The following ST8SIA5 variants were observed in gnomAD, a reference collection of about 807,000 sequenced individuals.
ST8SIA5 encodes ST8 alpha-N-acetyl-neuraminide alpha-2,8-sialyltransferase 5.
A neutral mutation model predicts 40.2 loss-of-function variants in ST8SIA5; 24 were observed. The observed-to-expected ratio is 0.60, with a 90% CI of 0.43 to 0.84. The LOEUF is 0.84. Ranked by LOEUF, ST8SIA5 falls within the 40% of genes least tolerant of loss-of-function variation. ST8SIA5 has a pLI of 0.00. For synonymous variants in ST8SIA5, 198 were observed against 201.8 expected (o/e 0.98, Z 0.16); for missense variants, 465 against 498.5 (o/e 0.93, Z 0.64).
chr18:46,669,263 C>T lies in ST8SIA5; in HGVS notation c.*10779G>A, dbSNP rs568833408. 1 of 152,430 alleles carries T rather than the reference C, an allele frequency of 6.6e-6. No individual in the cohort carries two copies. The highest frequency in any genetic ancestry group is 2.1e-4 in the South Asian group (1 of 4,830). 9.4% of individuals were successfully genotyped at this position (152,430 alleles called of 1,614,324 possible). On this transcript the variant is annotated 3_prime_UTR_variant, in exon 7 of 7. Coordinates refer to ENST00000315087, the MANE Select transcript of ST8SIA5 (RefSeq NM_013305.6). Reference sequence around the variant, plus strand: ...CTAGAGGGCTAGAGCGGGACACTGGCCACCGTCCCCTGCCCTCCAGTTCCT... The same window carrying T: ...CTAGAGGGCTAGAGCGGGACACTGGTCACCGTCCCCTGCCCTCCAGTTCCT...
At chr18:46,707,269 G>A (rs572159268) in intron 1 of ST8SIA5, among the ~76,000 whole-genome samples, 1 of 152,308 alleles carries the variant, frequency 6.6e-6, no homozygotes, top group African/African-American at 2.4e-5. Flanking sequence ...GAAATCATTA[G>A]GTCGAGACTT....
At chr18:46,700,099 A>G (rs561037519) in intron 2 of ST8SIA5, among the ~76,000 whole-genome samples, 1 of 152,376 alleles carries the variant, frequency 6.6e-6, no homozygotes, top group South Asian at 2.1e-4. Context: ...GCTCTAGATG[A>G]CAGGTGTAAA....
rs536667686 is a variant in ST8SIA5 at position 46,688,237 on chromosome 18, ACT to A, written c.456+536_456+537del. On this transcript the variant is annotated intron_variant, in intron 4 of 6. Transcript: ENST00000315087. ...AAAATAAATATCTATCTTGATTAAG[ACT>A]CTGATATTTTAGAAGTTCTGTTATA... Among the ~76,000 whole-genome samples, 131 of 152,258 alleles carry A rather than the reference ACT, an allele frequency of 8.6e-4. 1 individual carries two copies. Among genetic ancestry groups the A allele is most frequent in the African/African-American group, 3.1e-3 (129 of 41,548 alleles).
At chr18:46,756,300 G>A (rs2040245021) in intron 1 of ST8SIA5, 78 bp downstream of exon 1, 1 of 1,577,036 alleles carries the variant, frequency 6.3e-7, no homozygotes, top group Non-Finnish European at 8.6e-7. Flanking sequence ...CGCTGCGACC[G>A]AAGCTGCCGC....
intron 1 of ST8SIA5, among the ~76,000 whole-genome samples, chr18:46,724,844 C>A (rs375261996): frequency 6.6e-6 from 1 of 151,970 alleles, no homozygotes; most frequent in East Asian, 1.9e-4. Flanking sequence ...CATGGTGGTG[C>A]GTGCCTGTAA....
Position 46,672,362 on chromosome 18 carries a change from A to G in ST8SIA5, c.*7680T>C, listed in dbSNP as rs1403774031. ...CTGAATCAGATCCTCCGGGAAGTAA[A>G]GGACCTGGCTTGGGGATTATTTTAT... On this transcript the variant is annotated 3_prime_UTR_variant, in exon 7 of 7. Transcript: ENST00000315087. The G allele has an allele frequency of 6.6e-6, 1 of 152,214 alleles. No individual in the cohort carries two copies. Among genetic ancestry groups the G allele is most frequent in the Non-Finnish European group, 1.5e-5 (1 of 68,036 alleles). 9.4% of individuals were successfully genotyped at this position (152,214 alleles called of 1,614,324 possible). A position where few individuals can be genotyped will look rare whatever the true frequency, so the allele number is the denominator to read the frequency against.
At position 46,754,085 on chromosome 18, in the gene ST8SIA5, T is replaced by C. The variant is rs950629008; in HGVS notation, c.131+2293A>G. ...ACATCAGGCCAGTTCATTACAATCATGATATATGGAGGAAACAAGATAGGT... is the reference window on the plus strand; with the variant it reads ...ACATCAGGCCAGTTCATTACAATCACGATATATGGAGGAAACAAGATAGGT... On this transcript the variant is annotated intron_variant, in intron 1 of 6. Coordinates refer to ENST00000315087, the MANE Select transcript of ST8SIA5 (RefSeq NM_013305.6). 5.3e-5 allele frequency among the ~76,000 whole-genome samples: 8 copies of C among 152,046 alleles called. No homozygotes were observed. In the East Asian group the frequency reaches 7.7e-4, roughly 15 times the overall value.
rs1568246280 is a variant in ST8SIA5, at chr18:46,679,944, G to C, written c.*98C>G. ...CAATGGAGGGAGAGACAGCCTGAAC[G>C]CCAGGACCCCACGCTGCCCGGTTCG... On this transcript the variant is annotated 3_prime_UTR_variant, in exon 7 of 7. Coordinates refer to ENST00000315087, the MANE Select transcript of ST8SIA5 (RefSeq NM_013305.6). The C allele has an allele frequency of 3.4e-6, 4 of 1,173,446 alleles. No individual in the cohort carries two copies. In the Admixed American group the frequency reaches 7.7e-5, roughly 22 times the overall value. 72.7% of individuals were successfully genotyped at this position (1,173,446 alleles called of 1,614,324 possible). A position where few individuals can be genotyped will look rare whatever the true frequency, so the allele number is the denominator to read the frequency against.
At chr18:46,689,760 T>A (rs960727414) in intron 3 of ST8SIA5, among the ~76,000 whole-genome samples, 12 of 149,406 alleles carry the variant, frequency 8.0e-5, no homozygotes, top group African/African-American at 3.0e-4. Flanking sequence ...TTTTTTTTTT[T>A]AGTAGAGTCA....
chr18:46,721,409 A>C, intron 1 of ST8SIA5: 1 of 1,536,078 alleles, frequency 6.5e-7, no homozygotes, highest in Non-Finnish European at 8.7e-7. Flanking sequence ...CATCCGTGAC[A>C]TTAAAGAGCC....
intron 3 of ST8SIA5, among the ~76,000 whole-genome samples, chr18:46,690,612 A>ATTT (rs2039495015): frequency 1.3e-5 from 1 of 75,508 alleles, no homozygotes; most frequent in Non-Finnish European, 2.6e-5. Context: ...TGCTGCTGAG[A>ATTT]CTTTTTTTTT....
intron 2 of ST8SIA5, among the ~76,000 whole-genome samples, chr18:46,696,157 T>G (rs1258953954): frequency 1.3e-5 from 2 of 152,022 alleles, no homozygotes; most frequent in Non-Finnish European, 2.9e-5. Context: ...GAAAAGTGAG[T>G]GCAAAAGCCC....
chr18:46,723,412 C>T (rs2039882623), intron 1 of ST8SIA5, among the ~76,000 whole-genome samples: 1 of 152,062 alleles, frequency 6.6e-6, no homozygotes, highest in Admixed American at 6.6e-5. Flanking sequence ...ATTAGCTGGG[C>T]ATGGTGGCAC....
At chr18:46,739,691 G>A (rs1221027862) in intron 1 of ST8SIA5, among the ~76,000 whole-genome samples, 2 of 152,152 alleles carry the variant, frequency 1.3e-5, no homozygotes, top group African/African-American at 4.8e-5. Flanking sequence ...AGCCCTCTGG[G>A]GCAGGTGCTG....
At chr18:46,702,158 A>AC (rs1162804801) in intron 2 of ST8SIA5, among the ~76,000 whole-genome samples, 2 of 151,606 alleles carry the variant, frequency 1.3e-5, no homozygotes, top group African/African-American at 4.9e-5. Context: ...AAAAAAAAAA[A>AC]AAAACAGAAA....
chr18:46,680,533 G>A (rs1159161052), intron 6 of ST8SIA5, 23 bp from the exon 7 acceptor site: 3 of 1,542,156 alleles, frequency 1.9e-6, no homozygotes, highest in African/African-American at 1.4e-5. Flanking sequence ...CGAGTGAGAG[G>A]TGAGCACCCA....
chr18:46,732,940 C>A (rs1489053919), intron 1 of ST8SIA5, among the ~76,000 whole-genome samples: 3 of 152,140 alleles, frequency 2.0e-5, no homozygotes, highest in South Asian at 4.1e-4. Context: ...GAAGCCCATG[C>A]TAGCAGCTTG....
At chr18:46,727,304 T>C (rs2039940938) in intron 1 of ST8SIA5, among the ~76,000 whole-genome samples, 1 of 152,200 alleles carries the variant, frequency 6.6e-6, no homozygotes, top group South Asian at 2.1e-4. Context: ...TGTGTGGTTA[T>C]TGCTGACAAC....
rs375343938 is a variant in ST8SIA5, at chr18:46,677,040, G to A, written c.*3002C>T. 1.2e-4 allele frequency: 18 copies of A among 152,246 alleles called. No individual in the cohort carries two copies. The East Asian group carries it at 1.7e-3, about 15-fold the overall frequency. 9.4% of individuals were successfully genotyped at this position (152,246 alleles called of 1,614,324 possible). ...TCTTTCCTCACCTTAAAAATGTGAC[G>A]ATGGCCTCAGTTCCCCTCCAGTGCC... On this transcript the variant is annotated 3_prime_UTR_variant, in exon 7 of 7. Transcript: ENST00000315087.
Sources: allele counts gnomAD v4.1 joint callset (sites outside exome capture counted in the v4.1 genomes callset), GRCh38; gene constraint gnomAD v4.1.1; transcripts MANE v1.5; gene names NCBI Gene and HGNC (gene_info 2026-07-23, HGNC 2026-07-21).